The following RGS6 variants were observed in gnomAD, a reference collection of about 807,000 sequenced individuals.
RGS6 encodes regulator of G protein signaling 6, also known as regulator of G-protein signaling 6.
Under a neutral mutation model 78.5 loss-of-function variants are expected in RGS6, and 30 were observed. The observed-to-expected ratio is 0.38, with a 90% CI of 0.29 to 0.52. The LOEUF (loss-of-function observed/expected upper bound fraction) is 0.52, where lower values mean the gene tolerates loss of function less well. RGS6 is among the 20% of genes least tolerant of loss of function. The probability of loss-of-function intolerance (pLI) is 0.85; values close to 1 mark genes in which losing one functional copy is unlikely to be tolerated. For missense variants in RGS6, 495 were observed against 609.7 expected (o/e 0.81, Z 1.98); for synonymous variants, 206 against 206.0 (o/e 1.00, Z 0.00).
At chr14:71,870,087 T>A in the RGS6 span, among the ~76,000 whole-genome samples, 1 of 152,374 alleles carries the variant, frequency 6.6e-6, no homozygotes, top group East Asian at 1.9e-4. Flanking sequence ...AGGGCTAAAC[T>A]GTCTAACTCC....
intron 2 of RGS6, among the ~76,000 whole-genome samples, chr14:72,092,685 G>T (rs566382746): frequency 1.3e-5 from 2 of 152,144 alleles, no homozygotes; most frequent in African/African-American, 4.8e-5. Flanking sequence ...CCTGGCCTCA[G>T]CTCCCTTTAG....
In RGS6 at chr14:72,458,305, C is replaced by A; in HGVS notation, c.270C>A (p.Ala90=). The A allele has an allele frequency of 6.2e-7, 1 of 1,614,094 alleles. No homozygotes were observed. The highest frequency in any genetic ancestry group is 8.5e-7 in the Non-Finnish European group (1 of 1,179,974). The part of the protein sequence containing the change: ...EAIHLGSLIA[A]QGYIFPISDH... The stretch of plus-strand genomic sequence containing the variant: ...TACACTTGGGGAGCCTTATCGCTGC[C>A]CAGGGCTACATCTTTCCAATCTCAG... Residue 90 remains alanine, a synonymous_variant, in exon 5 of 18, where the codon GCC becomes GCA. Transcript: ENST00000553525.
At chr14:72,221,049 A>G (rs2046749199) in intron 2 of RGS6, among the ~76,000 whole-genome samples, 1 of 152,176 alleles carries the variant, frequency 6.6e-6, no homozygotes, top group Non-Finnish European at 1.5e-5. Context: ...CTAGCTTCTA[A>G]GAGGATGCCA....
the RGS6 span, among the ~76,000 whole-genome samples, chr14:71,892,966 G>A: frequency 7.2e-5 from 11 of 152,380 alleles, no homozygotes; most frequent in African/African-American, 2.4e-4. Context: ...TCATGGGACG[G>A]CAGCGATCTG....
intron 2 of RGS6, among the ~76,000 whole-genome samples, chr14:72,289,129 A>G (rs2063121571): frequency 6.6e-6 from 1 of 152,206 alleles, no homozygotes; most frequent in Non-Finnish European, 1.5e-5. Flanking sequence ...ATGAAATGGT[A>G]TTAACCCTTA....
At chr14:72,627,108 CA>C in the RGS6 span, among the ~76,000 whole-genome samples, 1 of 151,970 alleles carries the variant, frequency 6.6e-6, no homozygotes, top group African/African-American at 2.4e-5. Flanking sequence ...CCCAGTTTGT[CA>C]GTTGTCTTTT....
intron 2 of RGS6, among the ~76,000 whole-genome samples, chr14:72,245,364 GC>G (rs1169598410): frequency 6.6e-6 from 1 of 152,178 alleles, no homozygotes; most frequent in Admixed American, 6.5e-5. Context: ...AGAGCTGAGA[GC>G]CCCAAACAGA....
At chr14:72,472,733 C>T (rs2096119346) in intron 8 of RGS6, 139 bp from the exon 9 acceptor site, 5 of 626,390 alleles carry the variant, frequency 8.0e-6, no homozygotes, top group East Asian at 2.8e-5. Context: ...CACAGCTCTG[C>T]AGAGAGCAGG....
chr14:72,293,749 A>G (rs1007227641), intron 2 of RGS6, among the ~76,000 whole-genome samples: 8 of 152,324 alleles, frequency 5.3e-5, no homozygotes, highest in Middle Eastern at 3.4e-3. Context: ...AAGAAAATGA[A>G]TATCAGACAT....
chr14:72,210,182 G>A (rs1369508395), intron 2 of RGS6, among the ~76,000 whole-genome samples: 1 of 152,156 alleles, frequency 6.6e-6, no homozygotes, highest in Non-Finnish European at 1.5e-5. Context: ...GCCCGTGTGG[G>A]TTGAGGATTA....
Position 71,982,238 on chromosome 14 carries a change from A to G in RGS6, c.84+17363A>G, listed in dbSNP as rs944868818. On this transcript the variant is annotated intron_variant, in intron 2 of 17. Transcript: ENST00000553525. ...TACCTCAGATGGAAATGCAGAAATC[A>G]CCCGTCTTCTGCGTCGCTCAGGCTG... is the stretch of plus-strand genomic sequence containing the variant. Among the ~76,000 whole-genome samples the G allele has an allele frequency of 1.3e-5, 2 of 151,904 alleles. 1 individual carries two copies. The highest frequency in any genetic ancestry group is 4.8e-5 in the African/African-American group (2 of 41,354).
In RGS6 at chr14:71,984,492, A is replaced by AAAAAAAAAAG. The variant is rs2094606651; in HGVS notation, c.84+19620_84+19621insAAAAAAGAAA. ...AGACCCTGTCTCAAAAAGAAAAAAAAAAAGTTGGTGTGGACAAGGAAGGCT... is the reference window on the plus strand; with the variant it reads ...AGACCCTGTCTCAAAAAGAAAAAAAAAAAAAAAAAGAAAGTTGGTGTGGACAAGGAAGGCT... On this transcript the variant is annotated intron_variant, in intron 2 of 17. Transcript: ENST00000553525. Among the ~76,000 whole-genome samples the AAAAAAAAAAG allele has an allele frequency of 1.3e-5, 2 of 150,516 alleles. 1 individual carries two copies.
At chr14:72,254,260 C>T (rs2153855004) in intron 2 of RGS6, among the ~76,000 whole-genome samples, 1 of 152,286 alleles carries the variant, frequency 6.6e-6, no homozygotes, top group East Asian at 1.9e-4. Flanking sequence ...GATAATGCTG[C>T]ACAAGCCATG....
At chr14:72,351,112 C>T (rs2079037677) in intron 2 of RGS6, among the ~76,000 whole-genome samples, 1 of 152,114 alleles carries the variant, frequency 6.6e-6, no homozygotes, top group African/African-American at 2.4e-5. Context: ...ATGTGAGCCT[C>T]TATTAAGAAC....
At chr14:72,042,548 TTG>T (rs1436869905) in intron 2 of RGS6, among the ~76,000 whole-genome samples, 13 of 152,304 alleles carry the variant, frequency 8.5e-5, no homozygotes, top group African/African-American at 3.1e-4. Context: ...TCTTTACATT[TTG>T]TATGTATCTG....
intron 2 of RGS6, among the ~76,000 whole-genome samples, chr14:72,000,996 A>C (rs543201571): frequency 5.2e-4 from 79 of 152,332 alleles, no homozygotes; most frequent in African/African-American, 1.7e-3. Flanking sequence ...TTTTCTTAAG[A>C]AAAAGCAAGT....
chr14:72,217,555 T>TA (rs201000370), intron 2 of RGS6, among the ~76,000 whole-genome samples: 1 of 151,938 alleles, frequency 6.6e-6, no homozygotes, highest in Non-Finnish European at 1.5e-5. Context: ...TTTTCTAATT[T>TA]AAAAAAAAGT....
At chr14:72,280,572 T>C (rs1009353753) in intron 2 of RGS6, among the ~76,000 whole-genome samples, 2 of 152,220 alleles carry the variant, frequency 1.3e-5, no homozygotes, top group African/African-American at 4.8e-5. Context: ...GCACTAACCT[T>C]ATGCTAGGCA....
the RGS6 span, chr14:72,612,656 C>G: frequency 1.9e-6 from 1 of 516,974 alleles, no homozygotes; most frequent in Non-Finnish European, 3.9e-6. Flanking sequence ...GAAGGGCAAA[C>G]CAAGTCCGTA....
Sources: allele counts gnomAD v4.1 joint callset (sites outside exome capture counted in the v4.1 genomes callset), GRCh38; gene constraint gnomAD v4.1.1; transcripts MANE v1.5; gene names NCBI Gene and HGNC (gene_info 2026-07-23, HGNC 2026-07-21).